The following KIRREL3 variants were observed in gnomAD, a reference collection of about 807,000 sequenced individuals.
KIRREL3 encodes kirre like nephrin family adhesion molecule 3, also known as kin of IRRE-like protein 3.
KIRREL3 carries 36 observed loss-of-function variants against 89.7 expected under a neutral mutation model. The ratio of observed to expected loss-of-function variants is 0.40; its 90% CI spans 0.31 to 0.53. The LOEUF is 0.53. Ranked by LOEUF, KIRREL3 falls within the 20% of genes least tolerant of loss-of-function variation. The probability of loss-of-function intolerance (pLI) is 0.49; values close to 1 mark genes in which losing one functional copy is unlikely to be tolerated. For synonymous variants in KIRREL3, 445 were observed against 441.4 expected (o/e 1.01, Z -0.10); for missense variants, 864 against 1,056.6 (o/e 0.82, Z 2.53).
At chr11:126,478,595 A>G (rs571085592) in intron 4 of KIRREL3, among the ~76,000 whole-genome samples, 53 of 150,364 alleles carry the variant, frequency 3.5e-4, no homozygotes, top group Non-Finnish European at 6.5e-4. Flanking sequence ...GTGTATGTGT[A>G]TATGTATATG....
At chr11:126,467,630 T>C (rs962583205) in intron 5 of KIRREL3, among the ~76,000 whole-genome samples, 2 of 133,682 alleles carry the variant, frequency 1.5e-5, no homozygotes, top group South Asian at 4.6e-4. Flanking sequence ...GCTGGGTCCC[T>C]TTTTTTTTTT....
rs964298083 is a variant in KIRREL3 at position 126,535,046 on chromosome 11, G to C, written c.134-8359C>G. ...TGACAGGTGTGGCCTGGCCTAGGGA[G>C]GTGGGCAGGAGGTGGAGCATTTGGT... is the stretch of plus-strand genomic sequence containing the variant. On this transcript the variant is annotated intron_variant, in intron 2 of 16. Coordinates refer to ENST00000525144, the MANE Select transcript of KIRREL3 (RefSeq NM_032531.4). The surrounding 1 kb of genome is among the most constrained non-coding windows in gnomAD (Gnocchi z 4.5). Among the ~76,000 whole-genome samples, 1 of 152,110 alleles carries C rather than the reference G, an allele frequency of 6.6e-6. No individual in the cohort carries two copies. Among genetic ancestry groups the C allele is most frequent in the Non-Finnish European group, 1.5e-5 (1 of 68,022 alleles).
At chr11:126,472,703 G>GGAGAGAGAGGGAGAGAGAGA (rs1555116258) in intron 5 of KIRREL3, among the ~76,000 whole-genome samples, 13 of 134,146 alleles carry the variant, frequency 9.7e-5, no homozygotes, top group Admixed American at 2.5e-4. Flanking sequence ...AGGACATAGA[G>GGAGAGAGAGGGAGAGAGAGA]GAGAGAGAGA....
rs150270811 is a variant in KIRREL3, at chr11:126,838,537, A to G, written c.55+161918T>C. Among the ~76,000 whole-genome samples, 3 of 152,322 alleles carry G rather than the reference A, an allele frequency of 2.0e-5. No individual in the cohort carries two copies. In the East Asian group the frequency reaches 5.8e-4, roughly 29 times the overall value. On this transcript the variant is annotated intron_variant, in intron 1 of 16. Transcript: ENST00000525144. ...TAATAGTTAATGGGTAAGAGGGGAC[A>G]TTTGAGGTTTCTGTTTTTTAAAGCG...
chr11:126,732,279 A>G (rs1272157143), intron 1 of KIRREL3, among the ~76,000 whole-genome samples: 2 of 152,252 alleles, frequency 1.3e-5, no homozygotes, highest in Non-Finnish European at 2.9e-5. Flanking sequence ...TCCGCAGTTT[A>G]TAATACAAAT....
Position 126,612,693 on chromosome 11 carries a change from T to C in KIRREL3, c.56-49781A>G, listed in dbSNP as rs1943184431. 6.6e-6 allele frequency among the ~76,000 whole-genome samples: 1 copy of C among 152,200 alleles called. No homozygotes were observed. The highest frequency in any genetic ancestry group is 1.5e-5 in the Non-Finnish European group (1 of 68,034). ...TCCCCGTCGGTAGCCATTAACCCAC[T>C]TTCTGCCTCTGTGGATTTACCTATA... On this transcript the variant is annotated intron_variant, in intron 1 of 16. Transcript: ENST00000525144. This position sits in a 1 kb window ranked among gnomAD's most constrained non-coding sequence, Gnocchi z 4.5.
At chr11:126,444,953 C>T in intron 10 of KIRREL3, 26 bp downstream of exon 10, 2 of 1,613,036 alleles carry the variant, frequency 1.2e-6, no homozygotes, top group Non-Finnish European at 1.7e-6. Flanking sequence ...TCCCTCAGGC[C>T]TGGCTCACCC....
intron 1 of KIRREL3, among the ~76,000 whole-genome samples, chr11:126,654,770 C>T (rs890388666): frequency 6.6e-6 from 1 of 152,148 alleles, no homozygotes; most frequent in African/African-American, 2.4e-5. Flanking sequence ...TTCTACACTG[C>T]TTCAATGCTT....
intron 6 of KIRREL3, among the ~76,000 whole-genome samples, chr11:126,457,185 A>ATGTG (rs35883463): frequency 0.27 from 37,884 of 142,784 alleles, 5,163 homozygotes; most frequent in Admixed American, 0.32. Flanking sequence ...AAGAGAGATT[A>ATGTG]TGTGTGTGTG....
intron 1 of KIRREL3, among the ~76,000 whole-genome samples, chr11:126,599,777 C>A (rs1942565994): frequency 6.6e-6 from 1 of 152,186 alleles, no homozygotes; most frequent in Non-Finnish European, 1.5e-5. Context: ...GGTTGAAGGG[C>A]CCTGGAGAAA....
chr11:126,453,942 G>C (rs1262848825), intron 7 of KIRREL3, among the ~76,000 whole-genome samples: 1 of 152,144 alleles, frequency 6.6e-6, no homozygotes, highest in African/African-American at 2.4e-5. Flanking sequence ...TGAGCTCCAG[G>C]GGAGTACGAA....
At position 126,605,774 on chromosome 11, in the gene KIRREL3, A is replaced by G. The variant is rs2134767402; in HGVS notation, c.56-42862T>C. On this transcript the variant is annotated intron_variant, in intron 1 of 16. Coordinates refer to ENST00000525144, the MANE Select transcript of KIRREL3 (RefSeq NM_032531.4). The surrounding 1 kb of genome is among the most constrained non-coding windows in gnomAD (Gnocchi z 5.7). ...GAATGGGGTGGGGAAAGCATGGGGC[A>G]TATGGGTAGAGAGTGAGGTCTGGAG... is the stretch of plus-strand genomic sequence containing the variant. 2.6e-5 allele frequency among the ~76,000 whole-genome samples: 4 copies of G among 152,294 alleles called. 1 individual carries two copies. Among genetic ancestry groups the G allele is most frequent in the Admixed American group, 2.6e-4 (4 of 15,292 alleles).
intron 1 of KIRREL3, among the ~76,000 whole-genome samples, chr11:126,714,064 G>A (rs1434852002): frequency 4.6e-5 from 7 of 152,148 alleles, no homozygotes; most frequent in Non-Finnish European, 7.3e-5. Flanking sequence ...CCAGGGCTGG[G>A]GAGGGGAAAG....
intron 2 of KIRREL3, among the ~76,000 whole-genome samples, chr11:126,545,781 G>C (rs907915944): frequency 3.3e-5 from 5 of 152,184 alleles, no homozygotes; most frequent in African/African-American, 1.2e-4. Context: ...TCTGGTTCTG[G>C]AGGGCATTGG....
At chr11:126,770,960 C>T (rs533135692) in intron 1 of KIRREL3, among the ~76,000 whole-genome samples, 2 of 152,276 alleles carry the variant, frequency 1.3e-5, no homozygotes, top group East Asian at 1.9e-4. Context: ...CTCAGCCTCC[C>T]GAGTAGCTGG....
At chr11:126,626,701 C>T (rs1943800952) in intron 1 of KIRREL3, among the ~76,000 whole-genome samples, 1 of 152,186 alleles carries the variant, frequency 6.6e-6, no homozygotes, top group Non-Finnish European at 1.5e-5. Flanking sequence ...TAAAGAATAA[C>T]CACAGTTTTG....
intron 4 of KIRREL3, among the ~76,000 whole-genome samples, chr11:126,478,607 ATGTATATG>A (rs1254802884): frequency 1.4e-5 from 2 of 143,752 alleles, no homozygotes; most frequent in African/African-American, 5.3e-5. Flanking sequence ...ATGTATATGC[ATGTATATG>A]TGTGTATGTG....
chr11:126,814,854 C>T lies in KIRREL3; in HGVS notation c.55+185601G>A, dbSNP rs959715491. ...ACCTGGGTGATGGTGGTGGGTTCAT[C>T]GGTGCAGCGAACCACCATGGCACAC... On this transcript the variant is annotated intron_variant, in intron 1 of 16. Coordinates refer to ENST00000525144, the MANE Select transcript of KIRREL3 (RefSeq NM_032531.4). This position sits in a 1 kb window ranked among gnomAD's most constrained non-coding sequence, Gnocchi z 4.4. Among the ~76,000 whole-genome samples, 2 of 152,092 alleles carry T rather than the reference C, an allele frequency of 1.3e-5. No homozygotes were observed. Among genetic ancestry groups the T allele is most frequent in the Admixed American group, 6.5e-5 (1 of 15,284 alleles).
In KIRREL3 at chr11:126,876,939, C is replaced by T. The variant is rs1945312819; in HGVS notation, c.55+123516G>A. 6.6e-6 allele frequency among the ~76,000 whole-genome samples: 1 copy of T among 152,146 alleles called. No individual in the cohort carries two copies. Among genetic ancestry groups the T allele is most frequent in the Admixed American group, 6.5e-5 (1 of 15,280 alleles). On this transcript the variant is annotated intron_variant, in intron 1 of 16. Transcript: ENST00000525144. The surrounding 1 kb of genome is among the most constrained non-coding windows in gnomAD (Gnocchi z 4.1). The stretch of plus-strand genomic sequence containing the variant: ...AGATTGCAGAAACCTATAAGACAGA[C>T]TATCACTGAACTCATAAAAAAAGAG...
Sources: allele counts gnomAD v4.1 joint callset (sites outside exome capture counted in the v4.1 genomes callset), GRCh38; gene constraint gnomAD v4.1.1; non-coding constraint Gnocchi (gnomAD v3.1); transcripts MANE v1.5; gene names NCBI Gene and HGNC (gene_info 2026-07-23, HGNC 2026-07-21).